WDFY1: variants seen among roughly 807,000 people sequenced by gnomAD.
WDFY1 encodes WD repeat and FYVE domain containing 1.
WDFY1 carries 32 observed loss-of-function variants against 56.4 expected under a neutral mutation model. The ratio of observed to expected loss-of-function variants is 0.57; its 90% CI spans 0.43 to 0.76. The LOEUF (loss-of-function observed/expected upper bound fraction) is 0.76. Ranked by LOEUF, WDFY1 falls within the 30% of genes least tolerant of loss-of-function variation. The pLI, the probability that WDFY1 is intolerant of heterozygous loss-of-function variation, is 0.00. For synonymous variants in WDFY1, 192 were observed against 197.3 expected, an observed-to-expected ratio of 0.97 and a Z score of 0.23; for missense variants, 480 against 545.7, an observed-to-expected ratio of 0.88 and a Z score of 1.20.
intron 6 of WDFY1, among the ~76,000 whole-genome samples, chr2:223,898,216 G>A (rs1693432325): frequency 6.6e-6 from 1 of 152,066 alleles, no homozygotes; most frequent in African/African-American, 2.4e-5. Context: ...TCCCTACACA[G>A]GGTATGTTTC....
chr2:223,897,189 T>G (rs1693395530), intron 6 of WDFY1, among the ~76,000 whole-genome samples: 1 of 151,830 alleles, frequency 6.6e-6, no homozygotes, highest in Non-Finnish European at 1.5e-5. Flanking sequence ...AGTCCATCAT[T>G]GATTCTTTCA....
chr2:223,885,518 A>G (rs1693158945), intron 8 of WDFY1, among the ~76,000 whole-genome samples: 2 of 152,200 alleles, frequency 1.3e-5, no homozygotes, highest in African/African-American at 2.4e-5. Context: ...CCGAGTAATC[A>G]TGGCAATTTT....
chr2:223,906,055 A>C lies in WDFY1; in HGVS notation c.280-54T>G. 2.8e-6 allele frequency: 4 copies of C among 1,409,990 alleles called. No individual in the cohort carries two copies. In the South Asian group the frequency reaches 5.4e-5, roughly 19 times the overall value. The allele number at this position is 1,409,990 out of a possible 1,614,324, so 87.3% of individuals were successfully genotyped here. The stretch of plus-strand genomic sequence containing the variant: ...TAAAAGAGTTATGGTTTTAAAAAAC[A>C]ACAGAAACTTGACTTTCAAAAATGA... On this transcript the variant is annotated intron_variant, in intron 3 of 11. Transcript: ENST00000233055.
intron 1 of WDFY1, among the ~76,000 whole-genome samples, chr2:223,923,756 G>A (rs958818833): frequency 3.3e-5 from 5 of 151,192 alleles, no homozygotes; most frequent in African/African-American, 7.4e-5. Flanking sequence ...GCAAGACTCC[G>A]TCTCAAAAAA....
chr2:223,914,768 G>A (rs143460540), intron 2 of WDFY1, among the ~76,000 whole-genome samples: 21 of 152,178 alleles, frequency 1.4e-4, no homozygotes, highest in African/African-American at 4.8e-4. Context: ...CTGTTGTGAT[G>A]GTTTCATAAA....
chr2:223,898,011 T>A (rs572384242), intron 6 of WDFY1, among the ~76,000 whole-genome samples: 10 of 152,170 alleles, frequency 6.6e-5, no homozygotes, highest in Non-Finnish European at 1.5e-4. Flanking sequence ...CTTTATAAAT[T>A]ACCCAGTCTT....
At chr2:223,941,948 AG>A (rs1240144255) in intron 1 of WDFY1, among the ~76,000 whole-genome samples, 2 of 152,118 alleles carry the variant, frequency 1.3e-5, no homozygotes, top group African/African-American at 4.8e-5. Context: ...TCTCCCTTCA[AG>A]GAAGTTGCAA....
chr2:223,932,410 T>C (rs908923789), intron 1 of WDFY1, among the ~76,000 whole-genome samples: 18 of 152,242 alleles, frequency 1.2e-4, no homozygotes, highest in African/African-American at 4.3e-4. Context: ...GCATGAGCCA[T>C]GGCGCCGGGT....
At chr2:223,926,026 C>A (rs550932731) in intron 1 of WDFY1, among the ~76,000 whole-genome samples, 7 of 152,314 alleles carry the variant, frequency 4.6e-5, no homozygotes, top group African/African-American at 1.7e-4. Flanking sequence ...GACAGTTTAA[C>A]CTTCTCTCAA....
At position 223,895,565 on chromosome 2, in the gene WDFY1, T is replaced by C. The variant is rs1336982279; in HGVS notation, c.664A>G (p.Ser222Gly). 6.2e-7 allele frequency: 1 copy of C among 1,614,018 alleles called. No homozygotes were observed. The highest frequency in any genetic ancestry group is 1.7e-5 in the Admixed American group (1 of 60,006). The change falls in exon 7 of 12, where the codon AGC becomes GGC. Residue 222 changes from serine to glycine, a missense_variant. Physicochemically the swap from Ser to Gly is moderately conservative, Grantham distance 56. Transcript: ENST00000233055. Reference protein sequence around the residue: ...RLLFSGASDNSIIMWDIGGRK... With the variant: ...RLLFSGASDNGIIMWDIGGRK... ...CCTCCGATGTCCCACATGATGATGC[T>C]GTTGTCAGATGCTCCTGAGAAGAGT...
chr2:223,930,604 C>G (rs953038266), intron 1 of WDFY1, among the ~76,000 whole-genome samples: 1 of 152,146 alleles, frequency 6.6e-6, no homozygotes, highest in Non-Finnish European at 1.5e-5. Flanking sequence ...CATGAACTGC[C>G]GTGCCTTGCC....
chr2:223,943,437 A>G (rs1323046158), intron 1 of WDFY1, among the ~76,000 whole-genome samples: 1 of 152,096 alleles, frequency 6.6e-6, no homozygotes, highest in African/African-American at 2.4e-5. Flanking sequence ...GCAAAATCCA[A>G]AGGACCAACA....
intron 8 of WDFY1, among the ~76,000 whole-genome samples, chr2:223,885,648 A>G (rs1278261302): frequency 6.6e-6 from 1 of 151,966 alleles, no homozygotes; most frequent in Non-Finnish European, 1.5e-5. Flanking sequence ...AGATGTTTGA[A>G]CTCTAAATCC....
chr2:223,882,109 A>G, intron 9 of WDFY1, 37 bp from the exon 10 acceptor site: 2 of 1,597,536 alleles, frequency 1.3e-6, no homozygotes, highest in Non-Finnish European at 1.7e-6. Context: ...ACAGGGTGTT[A>G]GCTTTCGCTT....
chr2:223,902,522 A>C (rs1693522186), intron 4 of WDFY1, among the ~76,000 whole-genome samples: 1 of 152,138 alleles, frequency 6.6e-6, no homozygotes, highest in South Asian at 2.1e-4. Flanking sequence ...CTATGATTGC[A>C]CCACTGCACT....
Position 223,940,964 on chromosome 2 carries a change from A to G in WDFY1, c.137+4184T>C, listed in dbSNP as rs998412319. On this transcript the variant is annotated intron_variant, in intron 1 of 11. Coordinates refer to ENST00000233055, the MANE Select transcript of WDFY1 (RefSeq NM_020830.5). ...CAGCCTCCCAAGTAGCTGGGATTACAGGCATGTGCCACCACGCCCAGCTAA... is the reference window on the plus strand; with the variant it reads ...CAGCCTCCCAAGTAGCTGGGATTACGGGCATGTGCCACCACGCCCAGCTAA... Among the ~76,000 whole-genome samples, 57 of 152,292 alleles carry G rather than the reference A, an allele frequency of 3.7e-4. 1 individual carries two copies. Among genetic ancestry groups the G allele is most frequent in the Admixed American group, 7.8e-4 (12 of 15,308 alleles).
At chr2:223,920,679 T>C (rs1693872443) in intron 1 of WDFY1, among the ~76,000 whole-genome samples, 1 of 152,330 alleles carries the variant, frequency 6.6e-6, no homozygotes, top group Admixed American at 6.5e-5. Context: ...TCACCAGGCA[T>C]GGCTGGTGCA....
rs114480021 is a variant in WDFY1, at chr2:223,926,674, A to G, written c.138-8664T>C. 4.8e-4 allele frequency among the ~76,000 whole-genome samples: 60 copies of G among 124,068 alleles called. No individual in the cohort carries two copies. In the South Asian group the frequency reaches 6.0e-3, roughly 12 times the overall value. The allele number at this position is 124,068 out of a possible 152,430, so 81.4% of individuals were successfully genotyped here. On this transcript the variant is annotated intron_variant, in intron 1 of 11. Transcript: ENST00000233055. ...TGCGTGTGTGTGTGTGTGTGTGTGTATGTGTATTTTTGAAACAGAGTCTCA... is the reference window on the plus strand; with the variant it reads ...TGCGTGTGTGTGTGTGTGTGTGTGTGTGTGTATTTTTGAAACAGAGTCTCA...
chr2:223,935,210 T>C (rs1431130274), intron 1 of WDFY1, among the ~76,000 whole-genome samples: 7 of 152,118 alleles, frequency 4.6e-5, no homozygotes, highest in Non-Finnish European at 1.0e-4. Context: ...TGGACTCTAC[T>C]GACGCTAAGT....
Sources: gnomAD v4.1 joint callset for allele counts (sites outside exome capture counted in the v4.1 genomes callset) on GRCh38, gnomAD v4.1.1 for gene constraint, MANE v1.5 for transcripts, NCBI Gene and HGNC (gene_info 2026-07-23, HGNC 2026-07-21) for gene names.